Variants in HLA-DRB1 observed in about 807,000 individuals in gnomAD.
HLA-DRB1 encodes the protein major histocompatibility complex, class II, DR beta 1 precursor.
Under a neutral mutation model 27.9 loss-of-function variants are expected in HLA-DRB1, and 10 were observed. That is an observed-to-expected ratio of 0.36 (90% CI 0.22 to 0.61). The LOEUF (loss-of-function observed/expected upper bound fraction) is 0.61, where lower values mean the gene tolerates loss of function less well. Ranked by LOEUF, HLA-DRB1 falls within the 20% of genes least tolerant of loss-of-function variation. HLA-DRB1 has a pLI of 0.73. For missense variants in HLA-DRB1, 118 were observed against 306.3 expected (o/e 0.39, Z 4.59); for synonymous variants, 57 against 126.7 (o/e 0.45, Z 3.69).
chr6:32,581,342 AGTCTCTCCCGCCTGGC>A (rs1775450266), intron 3 of HLA-DRB1, among the ~76,000 whole-genome samples, 199 bp downstream of exon 3: 1 of 96,462 alleles, frequency 1.0e-5, no homozygotes, highest in Non-Finnish European at 2.1e-5. Flanking sequence ...AAAGAGGGAC[AGTCTCTCCCGCCTGGC>A]AGGCGAGACT....
chr6:32,580,951 G>C (rs9269769), intron 3 of HLA-DRB1, 95 bp from the exon 4 acceptor site: 80,739 of 799,528 alleles, frequency 0.1, 11,516 homozygotes, highest in Admixed American at 0.11. Flanking sequence ...GGGGCAGAAA[G>C]CTGCCTCACA....
In HLA-DRB1 at chr6:32,584,954, C is replaced by T. The variant is rs9269999; in HGVS notation, c.101-576G>A. ...GCAATGAGAAATATCAGAAGTGTGGCGTTCTAGAGCAGAGAATAATAGAAG... is the reference window on the plus strand; with the variant it reads ...GCAATGAGAAATATCAGAAGTGTGGTGTTCTAGAGCAGAGAATAATAGAAG... On this transcript the variant is annotated intron_variant, in intron 1 of 5. Transcript: ENST00000360004. Among the ~76,000 whole-genome samples the T allele has an allele frequency of 5.8e-5, 3 of 52,034 alleles. 1 individual carries two copies. The highest frequency in any genetic ancestry group is 1.2e-4 in the Non-Finnish European group (3 of 26,020). 34.1% of individuals were successfully genotyped at this position (52,034 alleles called of 152,430 possible).
chr6:32,584,914 A>G (rs28724140), intron 1 of HLA-DRB1, among the ~76,000 whole-genome samples: 12,269 of 83,744 alleles, frequency 0.15, 81 homozygotes, highest in East Asian at 0.2. Flanking sequence ...AACCAAACAC[A>G]CAAGAGCTTA....
At chr6:32,582,972 A>G (rs1775781188) in intron 2 of HLA-DRB1, among the ~76,000 whole-genome samples, 2 of 139,128 alleles carry the variant, frequency 1.4e-5, no homozygotes. Flanking sequence ...ATATTTTATT[A>G]AATAAAAATG....
chr6:32,579,408 G>A lies in HLA-DRB1; in HGVS notation c.788-304C>T, dbSNP rs570226820. On this transcript the variant is annotated intron_variant, in intron 5 of 5. Transcript: ENST00000360004. ...TTCCTTCCGGTGGGTTTGTGGTCTC[G>A]CTGACTTCCTGCAGACCTTCACAGT... Among the ~76,000 whole-genome samples the A allele has an allele frequency of 2.1e-3, 121 of 56,978 alleles. 5 individuals carry two copies. Among genetic ancestry groups the A allele is most frequent in the South Asian group, 6.5e-3 (12 of 1,836 alleles). The allele number at this position is 56,978 out of a possible 152,430, so 37.4% of individuals were successfully genotyped here.
intron 1 of HLA-DRB1, among the ~76,000 whole-genome samples, chr6:32,589,010 C>A (rs9270230): frequency 0.078 from 5,671 of 72,366 alleles, 108 homozygotes; most frequent in Middle Eastern, 0.17. Flanking sequence ...CAAGTATTAA[C>A]AATCTCAGCT....
chr6:32,588,319 G>A (rs1302179872), intron 1 of HLA-DRB1, among the ~76,000 whole-genome samples: 4 of 141,878 alleles, frequency 2.8e-5, no homozygotes, highest in African/African-American at 1.0e-4. Context: ...AGCTGGGCGT[G>A]GTTGCCTGCC....
chr6:32,587,829 TTG>T (rs149679301), intron 1 of HLA-DRB1, among the ~76,000 whole-genome samples: 58,523 of 138,188 alleles, frequency 0.42, 15,315 homozygotes, highest in Middle Eastern at 0.56. Context: ...TCCTCTACTC[TTG>T]TGTAACTTCC....
intron 1 of HLA-DRB1, among the ~76,000 whole-genome samples, chr6:32,589,144 G>T (rs9270238): frequency 0.015 from 1,747 of 113,914 alleles, 17 homozygotes; most frequent in Middle Eastern, 0.031. Context: ...GAAAAGAAAG[G>T]AGATAATGGG....
rs1420997655 is a variant in HLA-DRB1 at position 32,588,671 on chromosome 6, TGC to T, written c.100+970_100+971del. Among the ~76,000 whole-genome samples the T allele has an allele frequency of 3.2e-5, 2 of 63,208 alleles. 1 individual carries two copies. The highest frequency in any genetic ancestry group is 1.2e-3 in the East Asian group (2 of 1,684). The allele number at this position is 63,208 out of a possible 152,430, so 41.5% of individuals were successfully genotyped here. A position where few individuals can be genotyped will look rare whatever the true frequency, so the allele number is the denominator to read the frequency against. ...AGTAAGACAATGAGTTCCCAAGACT[TGC>T]CCATTGACTTTCAGCCCTATGAGAC... On this transcript the variant is annotated intron_variant, in intron 1 of 5. Coordinates refer to ENST00000360004, the Ensembl canonical transcript of HLA-DRB1.
exon 3 of HLA-DRB1, chr6:32,581,759 A>G (rs1445797135): frequency 6.4e-7 from 1 of 1,551,876 alleles, no homozygotes. Flanking sequence ...CTGGATAGAA[A>G]CCACTCACAG....
At chr6:32,586,664 C>T in intron 1 of HLA-DRB1, among the ~76,000 whole-genome samples, 1 of 49,528 alleles carries the variant, frequency 2.0e-5, no homozygotes, top group East Asian at 6.4e-4. Flanking sequence ...ATACCTGAAG[C>T]CCTGGCCTCA....
At chr6:32,589,394 G>A (rs28366207) in intron 1 of HLA-DRB1, among the ~76,000 whole-genome samples, 57 of 130,214 alleles carry the variant, frequency 4.4e-4, no homozygotes, top group African/African-American at 6.9e-4. Context: ...GACATGTGAT[G>A]CAAAGGTTTT....
rs193247389 is a variant in HLA-DRB1, at chr6:32,584,057, A to T, written c.370+52T>A. On this transcript the variant is annotated intron_variant, in intron 2 of 5. Transcript: ENST00000360004. ...CACACACACACACACACACACACAC[A>T]CTCAGATTCCCAGCTCACGGGGACT... 12 of 540,212 alleles carry T rather than the reference A, an allele frequency of 2.2e-5. 3 individuals are homozygous for T. Among genetic ancestry groups the T allele is most frequent in the African/African-American group, 1.8e-4 (4 of 21,624 alleles). The allele number at this position is 540,212 out of a possible 1,614,324, so 33.5% of individuals were successfully genotyped here. A position where few individuals can be genotyped will look rare whatever the true frequency, so the allele number is the denominator to read the frequency against.
chr6:32,584,714 ACT>A (rs878861666), intron 1 of HLA-DRB1, among the ~76,000 whole-genome samples: 13,337 of 74,152 alleles, frequency 0.18, 1,572 homozygotes, highest in Admixed American at 0.2. Flanking sequence ...CCCCAAAGAC[ACT>A]CTCTGCTCCT....
exon 6 of HLA-DRB1, chr6:32,579,027 G>A: frequency 1.7e-6 from 1 of 581,716 alleles, no homozygotes; most frequent in Non-Finnish European, 2.6e-6. Flanking sequence ...CTGCCAAGCA[G>A]GAAAGCTTTT....
exon 6 of HLA-DRB1, chr6:32,578,950 C>T (rs3179306): frequency 0.053 from 25,517 of 482,658 alleles, 294 homozygotes; most frequent in East Asian, 0.11. Context: ...CAAGGGAGGA[C>T]ATTTTCTGCA....
rs1395449138 is a variant in HLA-DRB1, at chr6:32,581,855, G to A, written c.371-17C>T. 19 of 1,016,276 alleles carry A rather than the reference G, an allele frequency of 1.9e-5. No homozygotes were observed. Among genetic ancestry groups the A allele is most frequent in the Middle Eastern group, 2.2e-4 (1 of 4,486 alleles). The allele number at this position is 1,016,276 out of a possible 1,614,324, so 63.0% of individuals were successfully genotyped here. On this transcript the variant is annotated splice_polypyrimidine_tract_variant and intron_variant, in intron 2 of 5. Coordinates refer to ENST00000360004, the Ensembl canonical transcript of HLA-DRB1. ...TAGGTTGGACTAGGAGAAAAACAAC[G>A]TAGAGGGAATGAGTCAGGAAGACAG...
At chr6:32,586,014 G>C (rs143892511) in intron 1 of HLA-DRB1, among the ~76,000 whole-genome samples, 2,137 of 113,120 alleles carry the variant, frequency 0.019, 63 homozygotes, top group Middle Eastern at 0.055. Flanking sequence ...ATGACCTAGA[G>C]TAATAACTGG....
Sources: allele counts gnomAD v4.1 joint callset (sites outside exome capture counted in the v4.1 genomes callset), GRCh38; gene constraint gnomAD v4.1.1; transcripts MANE v1.5; gene names NCBI Gene and HGNC (gene_info 2026-07-23, HGNC 2026-07-21).